Variants in CDH4 observed in about 807,000 individuals in gnomAD.
CDH4 encodes cadherin-4.
Under a neutral mutation model 86.0 loss-of-function variants are expected in CDH4, and 33 were observed. The observed-to-expected ratio is 0.38, with a 90% CI of 0.29 to 0.51. CDH4 has a LOEUF of 0.51. Among genes scored for constraint, CDH4 ranks in the 20% least tolerant of loss-of-function variants. CDH4 has a pLI of 0.86. For synonymous variants in CDH4, 555 were observed against 549.4 expected, an observed-to-expected ratio of 1.01 and a Z score of -0.14; for missense variants, 1,114 against 1,307.4, an observed-to-expected ratio of 0.85 and a Z score of 2.28.
intron 2 of CDH4, among the ~76,000 whole-genome samples, chr20:61,357,308 G>A (rs1276963288): frequency 1.3e-5 from 2 of 152,170 alleles, no homozygotes; most frequent in African/African-American, 2.4e-5. Flanking sequence ...TGAGACATCC[G>A]GTAGGCAGGG....
intron 2 of CDH4, among the ~76,000 whole-genome samples, chr20:61,692,630 C>T (rs553496266): frequency 3.3e-5 from 5 of 152,270 alleles, no homozygotes; most frequent in South Asian, 4.2e-4. Context: ...TGTGTCCGTG[C>T]GAGCAAATCC....
intron 2 of CDH4, among the ~76,000 whole-genome samples, chr20:61,423,909 C>T (rs6121845): frequency 5.4e-4 from 83 of 152,314 alleles, no homozygotes; most frequent in African/African-American, 1.8e-3. Context: ...ACTCCCTGTG[C>T]GCACACATGC....
chr20:61,314,690 C>G (rs1337858244), intron 2 of CDH4, among the ~76,000 whole-genome samples: 2 of 152,130 alleles, frequency 1.3e-5, no homozygotes, highest in African/African-American at 4.8e-5. Flanking sequence ...TTCTGAGGAA[C>G]CTCCATGCTA....
At chr20:61,667,158 G>T (rs1430940962) in intron 2 of CDH4, among the ~76,000 whole-genome samples, 2 of 152,080 alleles carry the variant, frequency 1.3e-5, no homozygotes, top group African/African-American at 4.8e-5. Flanking sequence ...GGTCAAGCCA[G>T]CACCTGGAGC....
Position 61,743,742 on chromosome 20 carries a change from G to A in CDH4, c.349G>A (p.Val117Met). Residue 117 changes from valine (V) to methionine (M), a missense_variant, in exon 3 of 16, where the codon GTG becomes ATG. Val to Met is a conservative substitution (Grantham distance 21). This residue lies in a region of CDH4 where 221 missense variants were observed against 209.5 expected (regional missense o/e 1.05). Transcript: ENST00000614565. ...SQTAEKWDAV[V>M]RLLVAQTSSP... ...GACAGCAGAGAAATGGGACGCCGTG[G>A]TGCGGTTGCTGGTGGCCCAGACCTC... The A allele has an allele frequency of 1.2e-6, 2 of 1,610,636 alleles. No individual in the cohort carries two copies. Among genetic ancestry groups the A allele is most frequent in the South Asian group, 1.1e-5 (1 of 90,188 alleles).
chr20:61,802,222 G>C (rs143076294), intron 4 of CDH4, among the ~76,000 whole-genome samples: 1 of 152,190 alleles, frequency 6.6e-6, no homozygotes, highest in Admixed American at 6.5e-5. Flanking sequence ...CAGAAAGGGC[G>C]CTACACACCC....
chr20:61,801,118 G>A (rs767409460), intron 4 of CDH4, among the ~76,000 whole-genome samples: 6 of 152,188 alleles, frequency 3.9e-5, no homozygotes, highest in East Asian at 1.9e-4. Flanking sequence ...TCCTCAAGAC[G>A]CCACAGCACC....
intron 2 of CDH4, among the ~76,000 whole-genome samples, chr20:61,287,584 C>T (rs1160879193): frequency 6.6e-6 from 1 of 152,218 alleles, no homozygotes; most frequent in Non-Finnish European, 1.5e-5. Context: ...TCTGTTCCCT[C>T]CCTGGGCACA....
chr20:61,815,362 A>C (rs1980659777), intron 4 of CDH4, among the ~76,000 whole-genome samples: 1 of 152,224 alleles, frequency 6.6e-6, no homozygotes, highest in Non-Finnish European at 1.5e-5. Flanking sequence ...GGATTTGCCC[A>C]GGCTTAGTGG....
intron 2 of CDH4, among the ~76,000 whole-genome samples, chr20:61,594,691 T>C (rs940949796): frequency 8.5e-5 from 13 of 152,112 alleles, no homozygotes; most frequent in African/African-American, 3.1e-4. Flanking sequence ...ATGTGCGTCT[T>C]TAAGAAAGGG....
intron 4 of CDH4, among the ~76,000 whole-genome samples, chr20:61,791,709 G>A (rs1979210982): frequency 6.6e-6 from 1 of 152,216 alleles, no homozygotes; most frequent in Non-Finnish European, 1.5e-5. Flanking sequence ...GAGCAAGGCT[G>A]TAGATGGGAC....
chr20:61,460,538 A>G (rs2085436395), intron 2 of CDH4, among the ~76,000 whole-genome samples: 3 of 152,198 alleles, frequency 2.0e-5, no homozygotes, highest in Non-Finnish European at 1.5e-5. Flanking sequence ...ACAAGGGTCC[A>G]TGTTTGGGGA....
intron 2 of CDH4, among the ~76,000 whole-genome samples, chr20:61,712,811 G>A (rs2087907704): frequency 6.6e-6 from 1 of 152,194 alleles, no homozygotes; most frequent in African/African-American, 2.4e-5. Context: ...TTCAGAGCTG[G>A]CCCCATGCCC....
At chr20:61,625,125 T>C (rs1316513466) in intron 2 of CDH4, among the ~76,000 whole-genome samples, 1 of 152,066 alleles carries the variant, frequency 6.6e-6, no homozygotes, top group African/African-American at 2.4e-5. Flanking sequence ...ATAGGACGTG[T>C]AAGAATCCCC....
At chr20:61,328,547 G>C (rs1490970804) in intron 2 of CDH4, among the ~76,000 whole-genome samples, 2 of 152,188 alleles carry the variant, frequency 1.3e-5, no homozygotes, top group African/African-American at 4.8e-5. Flanking sequence ...ACTTTGGGAG[G>C]CCAACACAAG....
At chr20:61,895,395 G>A (rs539784350) in intron 8 of CDH4, among the ~76,000 whole-genome samples, 2 of 152,380 alleles carry the variant, frequency 1.3e-5, no homozygotes, top group African/African-American at 4.8e-5. Context: ...GGAATGCCCA[G>A]ATGGGGCCTT....
intron 5 of CDH4, among the ~76,000 whole-genome samples, chr20:61,847,783 TGAGAGA>T (rs148387985): frequency 1.4e-5 from 2 of 145,100 alleles, no homozygotes; most frequent in East Asian, 2.0e-4. Flanking sequence ...GTGGCAGGAG[TGAGAGA>T]GAGAGAGAGA....
chr20:61,795,087 T>TTGATGTTGATGATGGTGG (rs1163839775), intron 4 of CDH4, among the ~76,000 whole-genome samples: 1 of 1,218 alleles, frequency 8.2e-4, no homozygotes, highest in African/African-American at 3.1e-3. Context: ...GGTGATGATG[T>TTGATGTTGATGATGGTGG]TGATGGTAAT....
At chr20:61,488,958 A>T (rs562988426) in intron 2 of CDH4, among the ~76,000 whole-genome samples, 7 of 152,168 alleles carry the variant, frequency 4.6e-5, no homozygotes, top group East Asian at 3.9e-4. Flanking sequence ...CTTTTTTTTT[A>T]AATTCATCCA....
Sources: gnomAD v4.1 joint callset for allele counts (sites outside exome capture counted in the v4.1 genomes callset) on GRCh38, gnomAD v4.1.1 for gene constraint, gnomAD v4.1.1 regional missense constraint, MANE v1.5 for transcripts, NCBI Gene and HGNC (gene_info 2026-07-23, HGNC 2026-07-21) for gene names.